MAMDC4: variants seen among roughly 807,000 people sequenced by gnomAD.
MAMDC4 encodes apical endosomal glycoprotein.
MAMDC4 carries 168 observed loss-of-function variants against 153.3 expected under a neutral mutation model. The ratio of observed to expected loss-of-function variants is 1.10; its 90% CI spans 0.97 to 1.25. The LOEUF is 1.25. Among genes scored for constraint, MAMDC4 ranks in the 50% most tolerant of loss-of-function variants. The pLI is 0.00. For synonymous variants in MAMDC4, 744 were observed against 651.5 expected, an observed-to-expected ratio of 1.14 and a Z score of -2.16; for missense variants, 1,701 against 1,542.8, an observed-to-expected ratio of 1.10 and a Z score of -1.72.
In MAMDC4 at chr9:136,857,517, C is replaced by G. The variant is rs375324343; in HGVS notation, c.2257C>G (p.Arg753Gly). Residue 753 changes from arginine to glycine, a missense_variant, in exon 18 of 27, where the codon CGG becomes GGG. By Grantham distance (125) the Arg-to-Gly change is moderately radical. Transcript: ENST00000317446. ...FSPGGQGLWRRQANASGHAAW... is the reference protein window; with the variant it reads ...FSPGGQGLWRGQANASGHAAW... Reference sequence around the variant, plus strand: ...CCCTGGAGGCCAAGGTCTCTGGAGGCGGCAGGCCAATGCCTCGGGCCATGC... The same window carrying G: ...CCCTGGAGGCCAAGGTCTCTGGAGGGGGCAGGCCAATGCCTCGGGCCATGC... 2.5e-6 allele frequency: 4 copies of G among 1,610,670 alleles called. No homozygotes were observed. The South Asian group carries it at 4.4e-5, about 18-fold the overall frequency.
rs1297473616 is a variant in MAMDC4, at chr9:136,860,060, A to G, written c.3368A>G (p.Asn1123Ser). ...TAPGFDNILF[N>S]ADGVTLPASV... ...CCTGGCTTTGACAACATCCTTTTCA[A>G]TGCGGTAGGAGCCCCTGGGGATGGG... The change falls in exon 26 of 27, where the codon AAT (asparagine) becomes AGT (serine). Residue 1123 changes from asparagine to serine, a missense_variant. Coordinates refer to ENST00000317446, the MANE Select transcript of MAMDC4 (RefSeq NM_206920.3). 1 of 1,571,380 alleles carries G rather than the reference A, an allele frequency of 6.4e-7. No homozygotes were observed. The highest frequency in any genetic ancestry group is 8.6e-7 in the Non-Finnish European group (1 of 1,158,062).
chr9:136,853,624 A>G lies in MAMDC4; in HGVS notation c.408A>G (p.Ala136=). ...TGCGCTCGCCAACCCTGCGAGAGGCAGCCTCCTCTTGCAAGCTGAGGCTCT... is the reference window on the plus strand; with the variant it reads ...TGCGCTCGCCAACCCTGCGAGAGGCGGCCTCCTCTTGCAAGCTGAGGCTCT... ...AALRSPTLRE[A]ASSCKLRLWY... The change falls in exon 4 of 27, where the codon GCA becomes GCG. Residue 136 remains alanine (A), a synonymous_variant. Coordinates refer to ENST00000317446, the MANE Select transcript of MAMDC4 (RefSeq NM_206920.3). 1 of 1,607,946 alleles carries G rather than the reference A, an allele frequency of 6.2e-7. No homozygotes were observed. The highest frequency in any genetic ancestry group is 2.3e-5 in the East Asian group (1 of 44,442).
At chr9:136,855,690 G>A (rs1427684310) in intron 12 of MAMDC4, 42 bp from the exon 13 acceptor site, 10 of 1,568,588 alleles carry the variant, frequency 6.4e-6, no homozygotes, top group Non-Finnish European at 8.6e-7. Flanking sequence ...GCAGGCTGAG[G>A]ACTCTGAGGA....
intron 26 of MAMDC4, among the ~76,000 whole-genome samples, chr9:136,860,346 C>G (rs1258860897): frequency 6.6e-6 from 1 of 152,122 alleles, no homozygotes; most frequent in East Asian, 1.9e-4. Flanking sequence ...ATGGTGAAAC[C>G]CCGTCTCAAC....
At position 136,858,164 on chromosome 9, in the gene MAMDC4, T is replaced by C. The variant is rs1256615410; in HGVS notation, c.2584-22T>C. ...GAGGGCTGCCTGGACCCGCTGAGGC[T>C]GCCCTGCCCTGCACCCGCCAGGTGG... On this transcript the variant is annotated intron_variant, in intron 20 of 26. Coordinates refer to ENST00000317446, the MANE Select transcript of MAMDC4 (RefSeq NM_206920.3). 13 of 1,556,894 alleles carry C rather than the reference T, an allele frequency of 8.3e-6. No homozygotes were observed. In the East Asian group the frequency reaches 3.1e-4, roughly 37 times the overall value.
At chr9:136,860,440 G>C in intron 26 of MAMDC4, 122 bp from the exon 27 acceptor site, 1 of 1,062,756 alleles carries the variant, frequency 9.4e-7, no homozygotes, top group Non-Finnish European at 1.4e-6. Flanking sequence ...AGAATCGCTT[G>C]AACCAGGGAG....
chr9:136,858,893 G>A (rs1256041731), intron 23 of MAMDC4, 40 bp downstream of exon 23: 3 of 1,584,646 alleles, frequency 1.9e-6, no homozygotes, highest in South Asian at 1.1e-5. Context: ...GGCAACGGGG[G>A]CAGCAGGGGT....
In MAMDC4 at chr9:136,856,759, CCT is replaced by C. The variant is rs747673541; in HGVS notation, c.1774_1775del (p.Ser592ArgfsTer13). On this transcript the variant is annotated frameshift_variant, in exon 15 of 27. Coordinates refer to ENST00000317446, the MANE Select transcript of MAMDC4 (RefSeq NM_206920.3). LOFTEE classifies it high-confidence loss of function. ...ACACATGCAGCTGGTACCCAGGCCA[CCT>C]CTCAGACACACACTGGCGCTGGGTG... ...RDTCSWYPGH[L>X]SDTHWRWVES... 3.1e-6 allele frequency: 5 copies of C among 1,612,384 alleles called. No individual in the cohort carries two copies. Among genetic ancestry groups the C allele is most frequent in the African/African-American group, 1.3e-5 (1 of 74,932 alleles).
At position 136,854,208 on chromosome 9, in the gene MAMDC4, C is replaced by T. The variant is rs769332284; in HGVS notation, c.671-3C>T. On this transcript the variant is annotated splice_region_variant and splice_polypyrimidine_tract_variant and intron_variant, in intron 6 of 26. Coordinates refer to ENST00000317446, the MANE Select transcript of MAMDC4 (RefSeq NM_206920.3). ...GGTGAAGGGTTAACCCTGCCCCACC[C>T]AGCCCCCCAGGCCAACTGTCCCCCG... 1 of 1,612,086 alleles carries T rather than the reference C, an allele frequency of 6.2e-7. No homozygotes were observed.
intron 4 of MAMDC4, 22 bp from the exon 5 acceptor site, chr9:136,853,755 C>T (rs1460628736): frequency 4.4e-6 from 7 of 1,606,828 alleles, no homozygotes; most frequent in Admixed American, 3.4e-5. Context: ...CCGCAGCTGC[C>T]CTGGGACCCC....
chr9:136,853,673 G>A lies in MAMDC4; in HGVS notation c.454+3G>A, dbSNP rs780539373. Reference sequence around the variant, plus strand: ...CTGGTACCACGCGGCCTCTGGAGGTGCACCCTGGACCCCCAAGGCTCGTGG... The same window carrying A: ...CTGGTACCACGCGGCCTCTGGAGGTACACCCTGGACCCCCAAGGCTCGTGG... On this transcript the variant is annotated splice_donor_region_variant and intron_variant, in intron 4 of 26. Coordinates refer to ENST00000317446, the MANE Select transcript of MAMDC4 (RefSeq NM_206920.3). 22 of 1,356,926 alleles carry A rather than the reference G, an allele frequency of 1.6e-5. No individual in the cohort carries two copies. The highest frequency in any genetic ancestry group is 2.2e-5 in the Non-Finnish European group (22 of 1,018,972). The allele number at this position is 1,356,926 out of a possible 1,614,324, so 84.1% of individuals were successfully genotyped here.
chr9:136,853,683 C>A lies in MAMDC4; in HGVS notation c.454+13C>A, dbSNP rs768400710. The stretch of plus-strand genomic sequence containing the variant: ...GCGGCCTCTGGAGGTGCACCCTGGA[C>A]CCCCAAGGCTCGTGGGGGGTGCCCA... On this transcript the variant is annotated intron_variant, in intron 4 of 26. Transcript: ENST00000317446. 1 of 1,609,770 alleles carries A rather than the reference C, an allele frequency of 6.2e-7. No homozygotes were observed. The highest frequency in any genetic ancestry group is 1.1e-5 in the South Asian group (1 of 90,744).
rs1484204654 is a variant in MAMDC4 at position 136,853,674 on chromosome 9, C to T, written c.454+4C>T. 1.9e-6 allele frequency: 3 copies of T among 1,610,492 alleles called. No individual in the cohort carries two copies. In the South Asian group the frequency reaches 3.3e-5, roughly 18 times the overall value. On this transcript the variant is annotated splice_donor_region_variant and intron_variant, in intron 4 of 26. Transcript: ENST00000317446. The stretch of plus-strand genomic sequence containing the variant: ...TGGTACCACGCGGCCTCTGGAGGTG[C>T]ACCCTGGACCCCCAAGGCTCGTGGG...
Position 136,859,191 on chromosome 9 carries a change from C to T in MAMDC4, c.3085-18C>T, listed in dbSNP as rs1257069110. On this transcript the variant is annotated intron_variant, in intron 24 of 26. Transcript: ENST00000317446. ...CCTCCACCCAGGGCCCACACAAACT[C>T]CTTTCCTTCTCCATCAGATCGTGTT... The T allele has an allele frequency of 5.0e-6, 8 of 1,606,840 alleles. No homozygotes were observed. The highest frequency in any genetic ancestry group is 1.3e-5 in the African/African-American group (1 of 74,902).
rs1251979088 is a variant in MAMDC4 at position 136,853,538 on chromosome 9, G to T, written c.329-7G>T. 4.3e-6 allele frequency: 7 copies of T among 1,612,482 alleles called. No homozygotes were observed. Among genetic ancestry groups the T allele is most frequent in the Non-Finnish European group, 5.1e-6 (6 of 1,179,966 alleles). On this transcript the variant is annotated splice_region_variant and splice_polypyrimidine_tract_variant and intron_variant, in intron 3 of 26. Transcript: ENST00000317446. ...TGCCCCGTCTCCTGACCTCTCACCT[G>T]CGCCAGGCTGGTACATGGCCGTTGG...
chr9:136,857,324 G>T, intron 17 of MAMDC4, 26 bp downstream of exon 17: 1 of 1,607,268 alleles, frequency 6.2e-7, no homozygotes, highest in Non-Finnish European at 8.5e-7. Context: ...CGGGTGGGAG[G>T]ACAGGGCAGG....
chr9:136,855,205 A>G, intron 10 of MAMDC4, 49 bp from the exon 11 acceptor site: 2 of 1,577,692 alleles, frequency 1.3e-6, no homozygotes, highest in Non-Finnish European at 1.7e-6. Flanking sequence ...CAGGGACCAG[A>G]CCCCAGGGGG....
In MAMDC4 at chr9:136,856,242, C is replaced by A. The variant is rs371230638; in HGVS notation, c.1720+93C>A. 3.1e-6 allele frequency: 5 copies of A among 1,588,824 alleles called. No individual in the cohort carries two copies. The Middle Eastern group carries it at 6.6e-4, about 211-fold the overall frequency. On this transcript the variant is annotated intron_variant, in intron 14 of 26. Transcript: ENST00000317446. ...GGGCCGGGTGACCCACAGTGCCCCC[C>A]GCCCCGCTGGCCAGGCTTCCTGGCA...
At chr9:136,854,131 C>T in intron 6 of MAMDC4, 55 bp downstream of exon 6, 2 of 1,609,978 alleles carry the variant, frequency 1.2e-6, no homozygotes, top group Admixed American at 3.3e-5. Context: ...CCTGCCCACT[C>T]CCCTGCTCAG....
Sources: allele counts gnomAD v4.1 joint callset (sites outside exome capture counted in the v4.1 genomes callset), GRCh38; gene constraint gnomAD v4.1.1; transcripts MANE v1.5; gene names NCBI Gene and HGNC (gene_info 2026-07-23, HGNC 2026-07-21).